The following DOCK4 variants were observed in gnomAD, a reference collection of about 807,000 sequenced individuals.
The protein encoded by DOCK4 is dedicator of cytokinesis protein 4.
DOCK4 carries 97 observed loss-of-function variants against 268.1 expected under a neutral mutation model. That is an observed-to-expected ratio of 0.36 (90% CI 0.31 to 0.43). The LOEUF (loss-of-function observed/expected upper bound fraction) is 0.43, where lower values mean the gene tolerates loss of function less well. DOCK4 is among the 20% of genes least tolerant of loss of function. The pLI is 1.00. For synonymous variants in DOCK4, 954 were observed against 887.2 expected (o/e 1.08, Z -1.34); for missense variants, 2,145 against 2,455.7 (o/e 0.87, Z 2.67).
At chr7:112,172,079 C>A (rs1433431627) in intron 1 of DOCK4, among the ~76,000 whole-genome samples, 1 of 152,172 alleles carries the variant, frequency 6.6e-6, no homozygotes, top group African/African-American at 2.4e-5. Context: ...ATTTAAAGGG[C>A]CTGTTAGTCA....
At chr7:112,185,959 G>A (rs921197373) in intron 1 of DOCK4, among the ~76,000 whole-genome samples, 5 of 152,222 alleles carry the variant, frequency 3.3e-5, no homozygotes, top group African/African-American at 7.2e-5. Flanking sequence ...TAGGGCTGAC[G>A]GCTGAAGCCC....
rs117706041 is a variant in DOCK4 at position 112,019,392 on chromosome 7, C to G, written c.38-15261G>C. ...TAAAAACTATCTTATTTTATAGCCTCTGCTAACAGTCATTTGTTATTACTA... is the reference window on the plus strand; with the variant it reads ...TAAAAACTATCTTATTTTATAGCCTGTGCTAACAGTCATTTGTTATTACTA... On this transcript the variant is annotated intron_variant, in intron 1 of 52. Transcript: ENST00000428084. Among the ~76,000 whole-genome samples the G allele has an allele frequency of 1.1e-3, 165 of 152,282 alleles. No homozygotes were observed. In the Middle Eastern group the frequency reaches 0.014, roughly 13 times the overall value.
chr7:111,741,105 A>G lies in DOCK4; in HGVS notation c.5029T>C (p.Phe1677Leu). 6.2e-7 allele frequency: 1 copy of G among 1,613,812 alleles called. No individual in the cohort carries two copies. Among genetic ancestry groups the G allele is most frequent in the Non-Finnish European group, 8.5e-7 (1 of 1,179,840 alleles). The change falls in exon 47 of 53, where the codon TTT (phenylalanine) becomes CTT (leucine). Residue 1677 changes from phenylalanine to leucine, a missense_variant. By Grantham distance (22) the Phe-to-Leu change is conservative. Coordinates refer to ENST00000428084, the MANE Select transcript of DOCK4 (RefSeq NM_001363540.2). The part of the protein sequence containing the change: ...TGQSESSDEV[F>L]NMQPSPSTSS... ...AGCTAATTAAGTACCTGCATGTTAA[A>G]GACTTCATCAGAGCTTTCTGATTGC...
intron 12 of DOCK4, among the ~76,000 whole-genome samples, chr7:111,933,079 CAT>C (rs1294166458): frequency 5.0e-5 from 7 of 138,794 alleles, no homozygotes; most frequent in African/African-American, 1.9e-4. Context: ...TATATATACA[CAT>C]ATATATACGT....
chr7:111,913,480 G>T (rs1358142409), intron 13 of DOCK4, among the ~76,000 whole-genome samples: 12 of 145,266 alleles, frequency 8.3e-5, no homozygotes, highest in African/African-American at 1.0e-4. Flanking sequence ...CGCGATCTCC[G>T]CTCACTGCAA....
intron 1 of DOCK4, among the ~76,000 whole-genome samples, chr7:112,124,714 T>A (rs1342038210): frequency 6.6e-6 from 1 of 152,216 alleles, no homozygotes; most frequent in African/African-American, 2.4e-5. Flanking sequence ...TTATCAACTG[T>A]CTAGCGCAGT....
intron 1 of DOCK4, among the ~76,000 whole-genome samples, chr7:112,040,272 A>T (rs1366731010): frequency 6.6e-6 from 1 of 152,210 alleles, no homozygotes; most frequent in Non-Finnish European, 1.5e-5. Context: ...CTTCTTATTT[A>T]AGTGATACAG....
intron 1 of DOCK4, among the ~76,000 whole-genome samples, chr7:112,112,305 C>G (rs1811733705): frequency 6.6e-6 from 1 of 152,180 alleles, no homozygotes; most frequent in South Asian, 2.1e-4. Context: ...TCCCTCTTCA[C>G]CTTCCGCCAT....
intron 1 of DOCK4, among the ~76,000 whole-genome samples, chr7:112,098,423 C>T (rs1482730383): frequency 1.3e-5 from 2 of 151,828 alleles, no homozygotes; most frequent in Non-Finnish European, 2.9e-5. Flanking sequence ...ATGAGCCCCC[C>T]ACCTCAGCCT....
intron 35 of DOCK4, among the ~76,000 whole-genome samples, chr7:111,779,754 C>T (rs1173535542): frequency 6.6e-6 from 1 of 152,178 alleles, no homozygotes; most frequent in Non-Finnish European, 1.5e-5. Flanking sequence ...TTCTTCACCA[C>T]ATTATAAAGC....
chr7:112,017,456 T>C (rs908916688), intron 1 of DOCK4, among the ~76,000 whole-genome samples: 1 of 152,196 alleles, frequency 6.6e-6, no homozygotes, highest in Admixed American at 6.5e-5. Context: ...GATTTATACA[T>C]AGCAGAGGCA....
At chr7:111,822,831 T>C (rs1217996965) in intron 26 of DOCK4, among the ~76,000 whole-genome samples, 1 of 152,230 alleles carries the variant, frequency 6.6e-6, no homozygotes, top group Non-Finnish European at 1.5e-5. Flanking sequence ...AGGAGAACAA[T>C]GAACAGTCCT....
chr7:111,845,741 G>A (rs1685119969), intron 24 of DOCK4, among the ~76,000 whole-genome samples: 1 of 152,098 alleles, frequency 6.6e-6, no homozygotes, highest in Non-Finnish European at 1.5e-5. Flanking sequence ...CTTGGTTTCT[G>A]CTCTGAATGT....
At chr7:111,729,971 T>TAAAGA (rs1310484959) in intron 52 of DOCK4, among the ~76,000 whole-genome samples, 5 of 152,246 alleles carry the variant, frequency 3.3e-5, no homozygotes, top group Non-Finnish European at 5.9e-5. Flanking sequence ...TGGCAGTTCA[T>TAAAGA]AAAGAACTAG....
At chr7:111,863,099 C>T in intron 23 of DOCK4, 1 of 380,206 alleles carries the variant, frequency 2.6e-6, no homozygotes, top group East Asian at 6.0e-5. Context: ...AGGATCCTAT[C>T]AGGTACCTGT....
At chr7:111,746,834 T>C (rs1245082681) in intron 43 of DOCK4, among the ~76,000 whole-genome samples, 1 of 149,836 alleles carries the variant, frequency 6.7e-6, no homozygotes, top group East Asian at 1.9e-4. Context: ...TTTTTTTTTT[T>C]TTTTTTTAAA....
intron 1 of DOCK4, among the ~76,000 whole-genome samples, chr7:112,068,020 G>GT (rs1807245471): frequency 6.6e-6 from 1 of 151,986 alleles, no homozygotes; most frequent in African/African-American, 2.4e-5. Flanking sequence ...ACAGAGCCAA[G>GT]AAAATTATGC....
At chr7:111,932,088 G>A (rs148978943) in intron 12 of DOCK4, among the ~76,000 whole-genome samples, 1 of 152,152 alleles carries the variant, frequency 6.6e-6, no homozygotes, top group African/African-American at 2.4e-5. Flanking sequence ...CTACCATTGA[G>A]AACTTCACCA....
In DOCK4 at chr7:111,782,932, CA is replaced by C. The variant is rs745865098; in HGVS notation, c.3525-9del. 4.0e-5 allele frequency: 64 copies of C among 1,580,782 alleles called. No individual in the cohort carries two copies. The highest frequency in any genetic ancestry group is 5.3e-5 in the Non-Finnish European group (62 of 1,163,498). On this transcript the variant is annotated splice_polypyrimidine_tract_variant and intron_variant, in intron 34 of 52. Coordinates refer to ENST00000428084, the MANE Select transcript of DOCK4 (RefSeq NM_001363540.2). ...CCCATTTTCATGCAGTCCCTAAAAA[CA>C]AAAAGCAATAGTCAGAACTCAGAAC...
Sources: gnomAD v4.1 joint callset for allele counts (sites outside exome capture counted in the v4.1 genomes callset) on GRCh38, gnomAD v4.1.1 for gene constraint, MANE v1.5 for transcripts, NCBI Gene and HGNC (gene_info 2026-07-23, HGNC 2026-07-21) for gene names.